BMPER: variants seen among roughly 807,000 people sequenced by gnomAD.
BMPER encodes the protein BMP binding endothelial regulator.
Under a neutral mutation model 87.3 loss-of-function variants are expected in BMPER, and 45 were observed. The observed-to-expected ratio is 0.52, with a 90% confidence interval of 0.41 to 0.66. The LOEUF is 0.66. Among genes scored for constraint, BMPER ranks in the 30% least tolerant of loss-of-function variants. BMPER has a pLI of 0.00. For synonymous variants in BMPER, 326 were observed against 316.2 expected (o/e 1.03, Z -0.33); for missense variants, 784 against 867.5 (o/e 0.90, Z 1.21).
At position 33,906,863 on chromosome 7, in the gene BMPER, C is replaced by A. The variant is rs1008184734; in HGVS notation, c.179C>A (p.Pro60Gln). ...CENEGEVLQI[P>Q]FITDNPCIMC... ...AATGAAGGTGAAGTCCTCCAGATTCCATTTATCACAGACAACCCTTGCATA... is the reference window on the plus strand; with the variant it reads ...AATGAAGGTGAAGTCCTCCAGATTCAATTTATCACAGACAACCCTTGCATA... Residue 60 changes from proline to glutamine, a missense_variant, in exon 2 of 15, where the codon CCA (proline) becomes CAA (glutamine). Pro to Gln is a moderately conservative substitution (Grantham distance 76). Coordinates refer to ENST00000649409, the MANE Select transcript of BMPER (RefSeq NM_001365308.1). 1 of 1,613,860 alleles carries A rather than the reference C, an allele frequency of 6.2e-7. No homozygotes were observed. The highest frequency in any genetic ancestry group is 1.3e-5 in the African/African-American group (1 of 75,008).
chr7:33,940,387 G>C, intron 3 of BMPER, among the ~76,000 whole-genome samples: 1 of 152,104 alleles, frequency 6.6e-6, no homozygotes, highest in East Asian at 1.9e-4. Flanking sequence ...TTTTAGCTTT[G>C]AATGTGAGTA....
chr7:33,994,779 G>A (rs915968632), intron 6 of BMPER, among the ~76,000 whole-genome samples: 12 of 152,116 alleles, frequency 7.9e-5, no homozygotes, highest in African/African-American at 2.4e-4. Context: ...CTGTGGTCCT[G>A]TCCTACCTCT....
intron 13 of BMPER, among the ~76,000 whole-genome samples, chr7:34,141,610 CAAAAAA>C (rs70997567): frequency 2.2e-4 from 12 of 54,998 alleles, no homozygotes; most frequent in African/African-American, 8.0e-4. Flanking sequence ...AACACCATCT[CAAAAAA>C]AAAAAAAAAA....
At chr7:33,998,632 C>T (rs912663303) in intron 6 of BMPER, among the ~76,000 whole-genome samples, 1 of 152,208 alleles carries the variant, frequency 6.6e-6, no homozygotes, top group African/African-American at 2.4e-5. Context: ...TTTCAGCAGA[C>T]TCCCTGAGAA....
At chr7:34,151,754 A>G (rs1014579) in intron 14 of BMPER, among the ~76,000 whole-genome samples, 118,909 of 152,122 alleles carry the variant, frequency 0.78, 46,726 homozygotes, top group East Asian at 0.91. Flanking sequence ...TAAATAATGC[A>G]CCAGTGCTTA....
chr7:33,960,966 C>A (rs1785255614), intron 3 of BMPER, among the ~76,000 whole-genome samples: 1 of 152,082 alleles, frequency 6.6e-6, no homozygotes, highest in Admixed American at 6.5e-5. Context: ...TAGAAGGCTT[C>A]CTAGAGACTA....
chr7:33,909,235 G>C (rs1783894466), intron 2 of BMPER, among the ~76,000 whole-genome samples: 1 of 152,122 alleles, frequency 6.6e-6, no homozygotes, highest in African/African-American at 2.4e-5. Context: ...AGCTTGTGAA[G>C]GTTGCATTTG....
chr7:34,081,542 G>A (rs979245586), intron 12 of BMPER, among the ~76,000 whole-genome samples: 4 of 152,178 alleles, frequency 2.6e-5, no homozygotes, highest in Non-Finnish European at 2.9e-5. Flanking sequence ...TAAAAAGCAG[G>A]GTAGAACTAA....
chr7:33,999,816 C>G (rs1327606831), intron 6 of BMPER, among the ~76,000 whole-genome samples: 3 of 152,228 alleles, frequency 2.0e-5, no homozygotes, highest in African/African-American at 7.2e-5. Flanking sequence ...GAGAGCACAT[C>G]TTATCCTCCA....
intron 12 of BMPER, among the ~76,000 whole-genome samples, chr7:34,080,354 C>A (rs1444330798): frequency 6.6e-6 from 1 of 152,182 alleles, no homozygotes; most frequent in Non-Finnish European, 1.5e-5. Context: ...GGAATGCCAG[C>A]CTAGCTAAAC....
intron 7 of BMPER, among the ~76,000 whole-genome samples, chr7:34,046,754 A>G (rs867198633): frequency 1.3e-5 from 2 of 152,208 alleles, no homozygotes. Context: ...AAGTAAACCC[A>G]TAGAGGAATA....
intron 13 of BMPER, among the ~76,000 whole-genome samples, chr7:34,113,196 A>G (rs1219892693): frequency 6.6e-6 from 1 of 151,970 alleles, no homozygotes; most frequent in South Asian, 2.1e-4. Context: ...AATGATATTC[A>G]TCTTTTTTCT....
At chr7:34,122,475 A>G (rs1583460025) in intron 13 of BMPER, among the ~76,000 whole-genome samples, 1 of 152,186 alleles carries the variant, frequency 6.6e-6, no homozygotes, top group Non-Finnish European at 1.5e-5. Flanking sequence ...TCATGGCTGG[A>G]TTTTGAATAG....
rs181437207 is a variant in BMPER at position 34,056,441 on chromosome 7, A to G, written c.927+1138A>G. On this transcript the variant is annotated intron_variant, in intron 9 of 14. Transcript: ENST00000649409. ...AAAGAGAAAACAACTGAGGACAAAA[A>G]AACACATAAGGTGTCATGCCCAGTG... Among the ~76,000 whole-genome samples the G allele has an allele frequency of 1.8e-3, 279 of 152,244 alleles. 1 individual carries two copies. Among genetic ancestry groups the G allele is most frequent in the Non-Finnish European group, 3.4e-3 (228 of 68,026 alleles).
At chr7:34,097,784 C>T (rs973766171) in intron 13 of BMPER, among the ~76,000 whole-genome samples, 1 of 152,144 alleles carries the variant, frequency 6.6e-6, no homozygotes, top group African/African-American at 2.4e-5. Flanking sequence ...TTCTGAGTCC[C>T]TGTTCACTCA....
chr7:34,091,915 T>C (rs1296647671), intron 13 of BMPER, among the ~76,000 whole-genome samples: 8 of 152,218 alleles, frequency 5.3e-5, no homozygotes, highest in African/African-American at 1.9e-4. Context: ...GTTGCACTGC[T>C]TCTTATTTCT....
At chr7:34,033,441 T>C (rs1050034598) in intron 6 of BMPER, among the ~76,000 whole-genome samples, 1 of 152,136 alleles carries the variant, frequency 6.6e-6, no homozygotes, top group Admixed American at 6.6e-5. Flanking sequence ...TTATAAACAA[T>C]ATAGACCACC....
At chr7:34,137,011 G>A (rs74646797) in intron 13 of BMPER, among the ~76,000 whole-genome samples, 6,217 of 152,240 alleles carry the variant, frequency 0.041, 269 homozygotes, top group African/African-American at 0.11. Context: ...GAAACCACTC[G>A]GATATGCTGT....
chr7:33,915,374 G>C (rs1332451228), intron 2 of BMPER, among the ~76,000 whole-genome samples: 1 of 152,146 alleles, frequency 6.6e-6, no homozygotes, highest in Non-Finnish European at 1.5e-5. Context: ...TGTTAATGAT[G>C]CTTTAAAAAT....
Sources: allele counts gnomAD v4.1 joint callset (sites outside exome capture counted in the v4.1 genomes callset), GRCh38; gene constraint gnomAD v4.1.1; transcripts MANE v1.5; gene names NCBI Gene and HGNC (gene_info 2026-07-23, HGNC 2026-07-21).